DNAAF10: variants seen among roughly 807,000 people sequenced by gnomAD.
DNAAF10 encodes the protein WD repeat domain 92.
A neutral mutation model predicts 43.7 loss-of-function variants in DNAAF10; 28 were observed. The ratio of observed to expected loss-of-function variants is 0.64; its 90% confidence interval spans 0.48 to 0.88. DNAAF10 has a LOEUF of 0.88. Among genes scored for constraint, DNAAF10 ranks in the 40% least tolerant of loss-of-function variants. The pLI is 0.00. For synonymous variants in DNAAF10, 156 were observed against 157.3 expected (o/e 0.99, Z 0.06); for missense variants, 403 against 439.1 (o/e 0.92, Z 0.73).
intron 1 of DNAAF10, among the ~76,000 whole-genome samples, chr2:68,155,592 G>A (rs1673576766): frequency 6.6e-6 from 1 of 152,020 alleles, no homozygotes; most frequent in Non-Finnish European, 1.5e-5. Flanking sequence ...CTTTGGGAGG[G>A]AGAGGCGGGA....
At position 68,141,742 on chromosome 2, in the gene DNAAF10, C is replaced by T; in HGVS notation, c.469G>A (p.Glu157Lys). 1 of 1,614,172 alleles carries T rather than the reference C, an allele frequency of 6.2e-7. No homozygotes were observed. Among genetic ancestry groups the T allele is most frequent in the Non-Finnish European group, 8.5e-7 (1 of 1,180,010 alleles). ...RQKDDPVANM[E>K]PVQGENKRDC... ...CTCTTGTTTTCTCCTTGTACAGGTTCCATATTAGCAACAGGATCATCTTTT... is the reference window on the plus strand; with the variant it reads ...CTCTTGTTTTCTCCTTGTACAGGTTTCATATTAGCAACAGGATCATCTTTT... Residue 157 changes from glutamate to lysine, a missense_variant, in exon 4 of 8, where the codon GAA (glutamate) becomes AAA (lysine). By Grantham distance (56) the Glu-to-Lys change is moderately conservative. Transcript: ENST00000295121.
rs17035031 is a variant in DNAAF10, at chr2:68,148,901, A to G, written c.184-1334T>C. Among the ~76,000 whole-genome samples, 414 of 152,342 alleles carry G rather than the reference A, an allele frequency of 2.7e-3. 2 individuals carry two copies. The highest frequency in any genetic ancestry group is 6.3e-3 in the African/African-American group (260 of 41,580). The stretch of plus-strand genomic sequence containing the variant: ...CTAGGCCTTCTACGCATTTACAAAC[A>G]CACATGGTTTTGTTTCAATACAAGG... On this transcript the variant is annotated intron_variant, in intron 1 of 7. Coordinates refer to ENST00000295121, the MANE Select transcript of DNAAF10 (RefSeq NM_138458.4).
intron 6 of DNAAF10, among the ~76,000 whole-genome samples, chr2:68,136,860 T>C (rs1241163812): frequency 6.6e-6 from 1 of 152,296 alleles, no homozygotes; most frequent in East Asian, 1.9e-4. Context: ...ATCACAGTAC[T>C]CAGTGATTCA....
intron 1 of DNAAF10, 157 bp downstream of exon 1, chr2:68,157,104 G>C (rs375360370): frequency 1.9e-6 from 2 of 1,031,854 alleles, no homozygotes. Context: ...GTTTTAAATA[G>C]GAAACATTCC....
intron 1 of DNAAF10, among the ~76,000 whole-genome samples, chr2:68,153,756 T>G (rs1673515284): frequency 2.7e-5 from 4 of 146,118 alleles, no homozygotes; most frequent in Non-Finnish European, 1.5e-5. Context: ...TTTTTTTTTT[T>G]TTTTTTTTTT....
chr2:68,131,539 G>GAGAAATA, intron 7 of DNAAF10, 94 bp from the exon 8 acceptor site: 2 of 1,204,182 alleles, frequency 1.7e-6, no homozygotes, highest in Non-Finnish European at 2.4e-6. Flanking sequence ...TTTCTCAGTT[G>GAGAAATA]GTTACTGGGA....
chr2:68,147,747 T>C (rs1046937850), intron 1 of DNAAF10, among the ~76,000 whole-genome samples, 180 bp from the exon 2 acceptor site: 2 of 152,238 alleles, frequency 1.3e-5, no homozygotes, highest in African/African-American at 4.8e-5. Context: ...TTAAAATATG[T>C]AACTGTCAAA....
At chr2:68,142,265 C>A (rs1224584664) in intron 3 of DNAAF10, among the ~76,000 whole-genome samples, 1 of 151,782 alleles carries the variant, frequency 6.6e-6, no homozygotes, top group Non-Finnish European at 1.5e-5. Context: ...TTCTTTCTTT[C>A]TTTCTTTTGT....
intron 1 of DNAAF10, among the ~76,000 whole-genome samples, chr2:68,155,260 G>C (rs1673565822): frequency 6.6e-6 from 1 of 152,128 alleles, no homozygotes; most frequent in South Asian, 2.1e-4. Flanking sequence ...GGGAGCCCAA[G>C]GCGGGTGGAT....
chr2:68,149,354 G>A (rs1234819236), intron 1 of DNAAF10, among the ~76,000 whole-genome samples: 1 of 152,122 alleles, frequency 6.6e-6, no homozygotes, highest in African/African-American at 2.4e-5. Context: ...ACCTTCCTCA[G>A]AATTGTCTAG....
intron 1 of DNAAF10, among the ~76,000 whole-genome samples, chr2:68,147,791 T>C (rs1673357427): frequency 6.6e-6 from 1 of 152,230 alleles, no homozygotes. Flanking sequence ...TCCTCTCCTC[T>C]CACTAATGAG....
At chr2:68,148,977 G>A (rs1195432567) in intron 1 of DNAAF10, among the ~76,000 whole-genome samples, 1 of 152,132 alleles carries the variant, frequency 6.6e-6, no homozygotes, top group African/African-American at 2.4e-5. Flanking sequence ...AATACATCTG[G>A]ATAAACTTTA....
At chr2:68,140,055 T>G (rs1025051099) in intron 4 of DNAAF10, among the ~76,000 whole-genome samples, 1 of 152,212 alleles carries the variant, frequency 6.6e-6, no homozygotes, top group Non-Finnish European at 1.5e-5. Flanking sequence ...ATATTTTTAG[T>G]AGTGTGGATG....
Position 68,131,562 on chromosome 2 carries a change from TAAAG to T in DNAAF10, c.867-121_867-118del. ...TTGGTTACTGGGACTAATAAATACT[TAAAG>T]AATCTTTCTAATACTGAGTTGTTTG... On this transcript the variant is annotated intron_variant, in intron 7 of 7. Coordinates refer to ENST00000295121, the MANE Select transcript of DNAAF10 (RefSeq NM_138458.4). 4 of 954,024 alleles carry T rather than the reference TAAAG, an allele frequency of 4.2e-6. No individual in the cohort carries two copies. In the South Asian group the frequency reaches 6.5e-5, roughly 16 times the overall value. 59.1% of individuals were successfully genotyped at this position (954,024 alleles called of 1,614,324 possible). A position where few individuals can be genotyped will look rare whatever the true frequency, so the allele number is the denominator to read the frequency against.
intron 7 of DNAAF10, among the ~76,000 whole-genome samples, chr2:68,133,790 C>A (rs771432976): frequency 6.4e-4 from 98 of 152,178 alleles, no homozygotes; most frequent in Non-Finnish European, 5.4e-4. Context: ...TTTTTGTCAG[C>A]GGTATCCCTG....
intron 7 of DNAAF10, among the ~76,000 whole-genome samples, chr2:68,133,595 A>C (rs1263982524): frequency 6.6e-6 from 1 of 152,116 alleles, no homozygotes; most frequent in Non-Finnish European, 1.5e-5. Flanking sequence ...TCTACTAAAA[A>C]TACAAAAATT....
chr2:68,153,299 T>C (rs1465504020), intron 1 of DNAAF10, among the ~76,000 whole-genome samples: 1 of 151,118 alleles, frequency 6.6e-6, no homozygotes, highest in Non-Finnish European at 1.5e-5. Flanking sequence ...TTACATCTTT[T>C]CTTCTTAGAT....
chr2:68,136,758 T>C (rs559025898), intron 6 of DNAAF10, among the ~76,000 whole-genome samples: 2 of 152,304 alleles, frequency 1.3e-5, no homozygotes, highest in East Asian at 3.9e-4. Context: ...TCCTCATCTA[T>C]TGGTCTAACG....
intron 3 of DNAAF10, among the ~76,000 whole-genome samples, chr2:68,142,806 C>T (rs6546356): frequency 0.74 from 111,758 of 151,488 alleles, 42,300 homozygotes; most frequent in African/African-American, 0.93. Flanking sequence ...AAAAGGAAAA[C>T]AACTCAGGAA....
Sources: allele counts gnomAD v4.1 joint callset (sites outside exome capture counted in the v4.1 genomes callset), GRCh38; gene constraint gnomAD v4.1.1; transcripts MANE v1.5; gene names NCBI Gene and HGNC (gene_info 2026-07-23, HGNC 2026-07-21).